RCOR1: variants seen among roughly 807,000 people sequenced by gnomAD.
RCOR1 encodes REST corepressor.
Under a neutral mutation model 64.0 loss-of-function variants are expected in RCOR1, and 12 were observed. The ratio of observed to expected loss-of-function variants is 0.19; its 90% CI spans 0.12 to 0.30. The LOEUF (loss-of-function observed/expected upper bound fraction) is 0.30. RCOR1 is among the 10% of genes least tolerant of loss of function. The probability of loss-of-function intolerance (pLI) is 1.00; values close to 1 mark genes in which losing one functional copy is unlikely to be tolerated. For missense variants in RCOR1, 502 were observed against 621.2 expected (o/e 0.81, Z 2.04); for synonymous variants, 279 against 227.2 (o/e 1.23, Z -2.05).
At chr14:102,688,705 T>C (rs1212754838) in intron 3 of RCOR1, among the ~76,000 whole-genome samples, 1 of 152,170 alleles carries the variant, frequency 6.6e-6, no homozygotes, top group Non-Finnish European at 1.5e-5. Context: ...GTAAAGACTA[T>C]TAAATGCCGT....
At position 102,728,902 on chromosome 14, in the gene RCOR1, C is replaced by A. The variant is rs545705729; in HGVS notation, c.*2396C>A. The A allele has an allele frequency of 6.6e-6, 1 of 152,660 alleles. No homozygotes were observed. The highest frequency in any genetic ancestry group is 1.9e-4 in the East Asian group (1 of 5,188). The allele number at this position is 152,660 out of a possible 1,614,324, so 9.5% of individuals were successfully genotyped here. ...CACTGTGTTTTAAACTGTTGCATTA[C>A]ACTGTCTTTGCAATGATGTAAATGT... On this transcript the variant is annotated 3_prime_UTR_variant, in exon 12 of 12. Coordinates refer to ENST00000262241, the MANE Select transcript of RCOR1 (RefSeq NM_015156.4).
chr14:102,690,045 AT>A (rs143029220), intron 3 of RCOR1, among the ~76,000 whole-genome samples: 8 of 150,034 alleles, frequency 5.3e-5, no homozygotes, highest in South Asian at 2.1e-4. Context: ...GCCCGGCCTG[AT>A]TTTTTTTTTA....
At chr14:102,600,246 C>T (rs1431778288) in intron 2 of RCOR1, among the ~76,000 whole-genome samples, 1 of 151,538 alleles carries the variant, frequency 6.6e-6, no homozygotes, top group Non-Finnish European at 1.5e-5. Context: ...CACCACCACG[C>T]CCGGCTAATT....
At chr14:102,715,987 T>A (rs946472859) in intron 8 of RCOR1, among the ~76,000 whole-genome samples, 1 of 152,208 alleles carries the variant, frequency 6.6e-6, no homozygotes, top group Non-Finnish European at 1.5e-5. Flanking sequence ...GAAATATCCC[T>A]AGGCATCACC....
chr14:102,659,614 TTAAG>T (rs1187189497), intron 2 of RCOR1, among the ~76,000 whole-genome samples: 15 of 152,354 alleles, frequency 9.8e-5, no homozygotes, highest in African/African-American at 3.6e-4. Flanking sequence ...TTCCCCACCT[TTAAG>T]TAAACTCTAT....
chr14:102,695,353 C>G (rs1895622296), intron 3 of RCOR1: 2 of 151,494 alleles, frequency 1.3e-5, no homozygotes, highest in Middle Eastern at 3.4e-3. Flanking sequence ...GCCCTTCTGC[C>G]TCTATCTTCT....
chr14:102,620,842 A>G (rs1555462349), intron 2 of RCOR1, among the ~76,000 whole-genome samples: 1 of 151,828 alleles, frequency 6.6e-6, no homozygotes, highest in Non-Finnish European at 1.5e-5. Context: ...CTGCTCCATT[A>G]CTCTTTCTTT....
At chr14:102,632,779 C>CTT (rs1438638181) in intron 2 of RCOR1, among the ~76,000 whole-genome samples, 1 of 65,070 alleles carries the variant, frequency 1.5e-5, no homozygotes, top group Non-Finnish European at 3.2e-5. Flanking sequence ...CCTCTCCTCC[C>CTT]CTCTCCTCTC....
At chr14:102,629,167 C>A (rs907486615) in intron 2 of RCOR1, among the ~76,000 whole-genome samples, 1 of 152,162 alleles carries the variant, frequency 6.6e-6, no homozygotes, top group Non-Finnish European at 1.5e-5. Context: ...CTGCTGGGCA[C>A]CTCCTCCCCA....
chr14:102,634,652 G>A (rs7150621), intron 2 of RCOR1, among the ~76,000 whole-genome samples: 7 of 144,232 alleles, frequency 4.9e-5, no homozygotes, highest in Admixed American at 3.5e-4. Context: ...ATATATATAT[G>A]TATATATATA....
At chr14:102,611,559 T>C (rs1893636868) in intron 2 of RCOR1, among the ~76,000 whole-genome samples, 1 of 152,254 alleles carries the variant, frequency 6.6e-6, no homozygotes, top group South Asian at 2.1e-4. Flanking sequence ...TGGATATTTT[T>C]GTATTTCTAT....
intron 11 of RCOR1, among the ~76,000 whole-genome samples, chr14:102,726,265 G>A (rs1433357937): frequency 6.6e-6 from 1 of 151,624 alleles, no homozygotes; most frequent in Non-Finnish European, 1.5e-5. Flanking sequence ...GGCGGAGGTT[G>A]CAGCGAGCCG....
At chr14:102,688,840 C>T (rs1309132095) in intron 3 of RCOR1, among the ~76,000 whole-genome samples, 1 of 152,200 alleles carries the variant, frequency 6.6e-6, no homozygotes, top group Non-Finnish European at 1.5e-5. Context: ...TGCAGCCACC[C>T]TTTGCATGGA....
intron 2 of RCOR1, among the ~76,000 whole-genome samples, chr14:102,677,244 G>A (rs1487118785): frequency 1.6e-5 from 2 of 126,318 alleles, no homozygotes; most frequent in African/African-American, 3.3e-5. Flanking sequence ...CGGGGTGGCT[G>A]GCCGGGCAGA....
At position 102,593,323 on chromosome 14, in the gene RCOR1, C is replaced by G. The variant is rs1893173489; in HGVS notation, c.359C>G (p.Pro120Arg). Reference protein sequence around the residue: ...QYQAVVPDFDPAKLARRSQER... With the variant: ...QYQAVVPDFDRAKLARRSQER... Reference sequence around the variant, plus strand: ...CAGGCGGTGGTGCCCGACTTCGACCCCGGTGAGTAGCGGCCCCGGCCGGCC... The same window carrying G: ...CAGGCGGTGGTGCCCGACTTCGACCGCGGTGAGTAGCGGCCCCGGCCGGCC... The change falls in exon 2 of 12, where the codon CCC becomes CGC. Residue 120 changes from proline to arginine, a missense_variant and splice_region_variant. Pro to Arg is a moderately radical substitution (Grantham distance 103). Around this residue, in one of 2 missense-constraint regions of RCOR1, gnomAD observed 242 missense variants for 204.9 expected, o/e 1.18. Transcript: ENST00000262241. 6.5e-6 allele frequency: 10 copies of G among 1,544,736 alleles called. No individual in the cohort carries two copies. Among genetic ancestry groups the G allele is most frequent in the Middle Eastern group, 2.3e-4 (1 of 4,368 alleles).
rs79068820 is a variant in RCOR1 at position 102,627,670 on chromosome 14, A to C, written c.361+34345A>C. On this transcript the variant is annotated intron_variant, in intron 2 of 11. Transcript: ENST00000262241. ...AGACTCTGTCTTAAAAAAAAAAAAA[A>C]ACACACACACACACCAAAAAAACAA... 8.5e-4 allele frequency among the ~76,000 whole-genome samples: 129 copies of C among 151,174 alleles called. 2 individuals are homozygous for C. Among genetic ancestry groups the C allele is most frequent in the East Asian group, 5.8e-3 (30 of 5,140 alleles).
At chr14:102,718,240 C>T (rs1482953879) in intron 8 of RCOR1, among the ~76,000 whole-genome samples, 1 of 152,018 alleles carries the variant, frequency 6.6e-6, no homozygotes, top group Non-Finnish European at 1.5e-5. Flanking sequence ...CTACTGGAGC[C>T]ATTTTGCAAC....
At chr14:102,625,510 C>T (rs1380524962) in intron 2 of RCOR1, among the ~76,000 whole-genome samples, 1 of 151,254 alleles carries the variant, frequency 6.6e-6, no homozygotes, top group East Asian at 1.9e-4. Flanking sequence ...GCTGGGATTA[C>T]AGGCATGAGC....
intron 2 of RCOR1, among the ~76,000 whole-genome samples, chr14:102,625,908 T>A (rs74082446): frequency 0.028 from 4,338 of 152,296 alleles, 211 homozygotes; most frequent in African/African-American, 0.1. Context: ...ACAGTGACCC[T>A]AATCCTTCCG....
Sources: gnomAD v4.1 joint callset for allele counts (sites outside exome capture counted in the v4.1 genomes callset) on GRCh38, gnomAD v4.1.1 for gene constraint, gnomAD v4.1.1 regional missense constraint, MANE v1.5 for transcripts, NCBI Gene and HGNC (gene_info 2026-07-23, HGNC 2026-07-21) for gene names.